MSI2: variants seen among roughly 807,000 people sequenced by gnomAD.
The protein encoded by MSI2 is musashi RNA binding protein 2.
In MSI2, 17 loss-of-function variants were observed where a neutral mutation model predicts 45.6. That is an observed-to-expected ratio of 0.37 (90% confidence interval 0.26 to 0.56). The LOEUF (loss-of-function observed/expected upper bound fraction) is 0.56, where lower values mean the gene tolerates loss of function less well. Ranked by LOEUF, MSI2 falls within the 20% of genes least tolerant of loss-of-function variation. The pLI is 0.77. For synonymous variants in MSI2, 156 were observed against 158.2 expected (o/e 0.99, Z 0.11); for missense variants, 293 against 444.2 (o/e 0.66, Z 3.06).
At chr17:57,257,687 C>T (rs1342728493) in intron 3 of MSI2, 140 bp downstream of exon 3, 2 of 599,814 alleles carry the variant, frequency 3.3e-6, no homozygotes, top group Middle Eastern at 2.6e-4. Context: ...CTCTATACCA[C>T]CCCCACCGCC....
At chr17:57,427,669 T>C (rs1308084643) in intron 6 of MSI2, among the ~76,000 whole-genome samples, 1 of 152,216 alleles carries the variant, frequency 6.6e-6, no homozygotes, top group African/African-American at 2.4e-5. Flanking sequence ...ATTAATACAT[T>C]GAATTACAAA....
rs1567830663 is a variant in MSI2, at chr17:57,450,273, A to AAGAG, written c.405+48805_405+48806insGAGA. 18 of 109,448 alleles carry AAGAG rather than the reference A, an allele frequency of 1.6e-4. 2 individuals carry two copies. Among genetic ancestry groups the AAGAG allele is most frequent in the African/African-American group, 6.0e-4 (16 of 26,722 alleles). 6.8% of individuals were successfully genotyped at this position (109,448 alleles called of 1,614,324 possible). Reference sequence around the variant, plus strand: ...CCCAGCTTAAAGAAAGAAAGAAAGAAAGAAAGAAAGAAAGAAAGAAAGAAA... The same window carrying AAGAG: ...CCCAGCTTAAAGAAAGAAAGAAAGAAAGAGAGAAAGAAAGAAAGAAAGAAAGAAA... On this transcript the variant is annotated intron_variant, in intron 6 of 13. Coordinates refer to ENST00000284073, the MANE Select transcript of MSI2 (RefSeq NM_138962.4).
At position 57,510,662 on chromosome 17, in the gene MSI2, A is replaced by G. The variant is rs1050827542; in HGVS notation, c.406-19014A>G. On this transcript the variant is annotated intron_variant, in intron 6 of 13. Transcript: ENST00000284073. ...AGGCTGGTCTCAAACTCCTGACCTC[A>G]GGTGATCCACCCACCTCTGCCTCCC... Among the ~76,000 whole-genome samples the G allele has an allele frequency of 3.9e-5, 6 of 152,284 alleles. No individual in the cohort carries two copies. The South Asian group carries it at 1.2e-3, about 32-fold the overall frequency.
At chr17:57,595,121 C>CGGAAGATGGTGATG (rs1905150176) in intron 7 of MSI2, among the ~76,000 whole-genome samples, 1 of 152,098 alleles carries the variant, frequency 6.6e-6, no homozygotes, top group South Asian at 2.1e-4. Flanking sequence ...CCTGGTGTTC[C>CGGAAGATGGTGATG]TTGGAAGATG....
intron 5 of MSI2, among the ~76,000 whole-genome samples, chr17:57,316,743 G>A (rs192341614): frequency 1.1e-4 from 16 of 152,210 alleles, no homozygotes; most frequent in Middle Eastern, 6.8e-3. Flanking sequence ...TAATCTAATC[G>A]CATGGATATA....
chr17:57,692,828 C>T, the MSI2 span, among the ~76,000 whole-genome samples: 2 of 150,018 alleles, frequency 1.3e-5, no homozygotes, highest in Non-Finnish European at 3.0e-5. Context: ...CTTAATTTTA[C>T]CTCTCTCTCT....
chr17:57,462,097 C>A (rs1213114246), intron 6 of MSI2, among the ~76,000 whole-genome samples: 1 of 152,212 alleles, frequency 6.6e-6, no homozygotes. Flanking sequence ...TCTCCCCTTG[C>A]CTCTGGTGGC....
At chr17:57,446,170 T>C (rs761177516) in intron 6 of MSI2, among the ~76,000 whole-genome samples, 5 of 151,808 alleles carry the variant, frequency 3.3e-5, no homozygotes, top group African/African-American at 4.8e-5. Flanking sequence ...TGTGTGAGGG[T>C]GTCGATTTAG....
chr17:57,345,422 C>T (rs1027030134), intron 5 of MSI2, among the ~76,000 whole-genome samples: 1 of 152,148 alleles, frequency 6.6e-6, no homozygotes, highest in Admixed American at 6.5e-5. Context: ...TCTGATTTGT[C>T]TTGTGTTTCT....
At chr17:57,260,439 A>G (rs1907202351) in intron 4 of MSI2, among the ~76,000 whole-genome samples, 1 of 151,964 alleles carries the variant, frequency 6.6e-6, no homozygotes, top group African/African-American at 2.4e-5. Context: ...CCCTCAACAT[A>G]CCCCACACCT....
chr17:57,398,882 A>G (rs2070166673), intron 5 of MSI2, among the ~76,000 whole-genome samples: 1 of 151,466 alleles, frequency 6.6e-6, no homozygotes, highest in South Asian at 2.1e-4. Context: ...GACAGATGTA[A>G]ATCTGGAAAG....
chr17:57,474,213 A>G (rs2085494971), intron 6 of MSI2, among the ~76,000 whole-genome samples: 1 of 152,156 alleles, frequency 6.6e-6, no homozygotes, highest in Non-Finnish European at 1.5e-5. Flanking sequence ...TGGTATTCAT[A>G]GCAGTTGGGT....
intron 5 of MSI2, chr17:57,294,727 G>A (rs889657804): frequency 6.6e-6 from 1 of 152,292 alleles, no homozygotes; most frequent in South Asian, 2.1e-4. Flanking sequence ...AGGACTTGGC[G>A]ACTTGGCTAA....
At chr17:57,483,792 G>C (rs1333540905) in intron 6 of MSI2, among the ~76,000 whole-genome samples, 1 of 152,110 alleles carries the variant, frequency 6.6e-6, no homozygotes, top group Non-Finnish European at 1.5e-5. Context: ...GCATTGCTGG[G>C]GTGATGCTCA....
intron 6 of MSI2, among the ~76,000 whole-genome samples, chr17:57,489,800 A>G (rs1191124733): frequency 6.6e-6 from 1 of 152,222 alleles, no homozygotes; most frequent in East Asian, 1.9e-4. Context: ...TTGCTAAGAA[A>G]CAGGACTTGG....
chr17:57,699,479 G>A, the MSI2 span, among the ~76,000 whole-genome samples: 7 of 151,852 alleles, frequency 4.6e-5, no homozygotes, highest in Admixed American at 1.3e-4. Flanking sequence ...AATGTCTTGC[G>A]CTCTGCCTCC....
At position 57,557,586 on chromosome 17, in the gene MSI2, G is replaced by C. The variant is rs115311071; in HGVS notation, c.454+27862G>C. On this transcript the variant is annotated intron_variant, in intron 7 of 13. Transcript: ENST00000284073. ...TTGAAGGGTGTGTGGCCAGGGACAG[G>C]TTCTCTGGGCTGTTGGCTGGTACCC... Among the ~76,000 whole-genome samples, 1,392 of 152,344 alleles carry C rather than the reference G, an allele frequency of 9.1e-3. 17 individuals carry two copies. Among genetic ancestry groups the C allele is most frequent in the African/African-American group, 0.031 (1,296 of 41,574 alleles).
chr17:57,336,625 T>C (rs972285687), intron 5 of MSI2, among the ~76,000 whole-genome samples: 1 of 152,218 alleles, frequency 6.6e-6, no homozygotes, highest in Non-Finnish European at 1.5e-5. Flanking sequence ...ATTTAAATAA[T>C]GTACATATTT....
intron 5 of MSI2, among the ~76,000 whole-genome samples, chr17:57,367,018 A>G (rs974351185): frequency 2.0e-5 from 3 of 152,230 alleles, no homozygotes; most frequent in African/African-American, 7.2e-5. Context: ...TGGCTGTCAG[A>G]TTGAGTTTGC....
Sources: gnomAD v4.1 joint callset for allele counts (sites outside exome capture counted in the v4.1 genomes callset) on GRCh38, gnomAD v4.1.1 for gene constraint, MANE v1.5 for transcripts, NCBI Gene and HGNC (gene_info 2026-07-23, HGNC 2026-07-21) for gene names.